Variants in ZNF827 observed in about 807,000 individuals in gnomAD.
ZNF827 encodes the protein zinc finger protein 827.
ZNF827 carries 13 observed loss-of-function variants against 102.4 expected under a neutral mutation model. The ratio of observed to expected loss-of-function variants is 0.13; its 90% confidence interval spans 0.08 to 0.20. The LOEUF is 0.20. Among genes scored for constraint, ZNF827 ranks in the 10% least tolerant of loss-of-function variants. The pLI, the probability that ZNF827 is intolerant of heterozygous loss-of-function variation, is 1.00. For missense variants in ZNF827, 1,103 were observed against 1,344.4 expected, an observed-to-expected ratio of 0.82 and a Z score of 2.81; for synonymous variants, 523 against 536.2, an observed-to-expected ratio of 0.98 and a Z score of 0.34.
intron 8 of ZNF827, among the ~76,000 whole-genome samples, chr4:145,783,386 T>G (rs1057231967): frequency 6.6e-6 from 1 of 152,274 alleles, no homozygotes; most frequent in Non-Finnish European, 1.5e-5. Context: ...TCAGGCTACC[T>G]GCCTTTTGAA....
chr4:145,870,423 C>T lies in ZNF827; in HGVS notation c.1803G>A (p.Lys601=). ...NLNFKVKEEP[K]EGESLSTTLP... is the part of the protein sequence containing the mutation. ...AAGTCGTGCTTAGGGACTCCCCTTC[C>T]TTAGGCTCCTCTTTCACTTTAAAAT... Residue 601 remains lysine, a synonymous_variant, in exon 5 of 15, where the codon AAG becomes AAA. Coordinates refer to ENST00000508784, the MANE Select transcript of ZNF827 (RefSeq NM_001306215.2). 6.2e-7 allele frequency: 1 copy of T among 1,614,160 alleles called. No individual in the cohort carries two copies. Among genetic ancestry groups the T allele is most frequent in the Non-Finnish European group, 8.5e-7 (1 of 1,180,010 alleles).
At chr4:145,872,945 C>CT (rs201105472) in intron 4 of ZNF827, among the ~76,000 whole-genome samples, 1,596 of 130,566 alleles carry the variant, frequency 0.012, 12 homozygotes, top group Middle Eastern at 0.034. Context: ...TTTTTCTTTT[C>CT]TTTTTTTTTT....
chr4:145,824,416 A>C (rs1743458738), intron 7 of ZNF827, among the ~76,000 whole-genome samples: 1 of 152,186 alleles, frequency 6.6e-6, no homozygotes, highest in Non-Finnish European at 1.5e-5. Flanking sequence ...CAACAGACGA[A>C]ATTCAACCAT....
At chr4:145,916,024 C>T (rs10027696) in intron 1 of ZNF827, among the ~76,000 whole-genome samples, 15,083 of 152,276 alleles carry the variant, frequency 0.099, 1,181 homozygotes, top group East Asian at 0.37. Flanking sequence ...ATCCCCTGTA[C>T]ACTGGGGTGG....
chr4:145,932,130 T>A (rs1753852818), intron 1 of ZNF827, among the ~76,000 whole-genome samples: 1 of 152,198 alleles, frequency 6.6e-6, no homozygotes, highest in Non-Finnish European at 1.5e-5. Context: ...AAACACTGAA[T>A]CTGCTGGCAC....
At chr4:145,788,416 GAATCCAGGCC>G (rs939887002) in intron 8 of ZNF827, among the ~76,000 whole-genome samples, 44 of 152,186 alleles carry the variant, frequency 2.9e-4, no homozygotes, top group African/African-American at 3.1e-4. Context: ...GTCACTGCCA[GAATCCAGGCC>G]AATTGATGGC....
At chr4:145,826,904 G>A (rs868497927) in intron 7 of ZNF827, among the ~76,000 whole-genome samples, 5 of 152,192 alleles carry the variant, frequency 3.3e-5, no homozygotes, top group African/African-American at 4.8e-5. Context: ...GTGCCACCAC[G>A]CCCGACTAAT....
At chr4:145,832,750 C>G (rs1233461343) in intron 7 of ZNF827, 1 of 152,430 alleles carries the variant, frequency 6.6e-6, no homozygotes, top group African/African-American at 2.4e-5. Context: ...CATTCCACCA[C>G]AAAAGAAGTG....
chr4:145,847,654 C>T (rs1021555863), intron 6 of ZNF827, among the ~76,000 whole-genome samples: 6 of 152,086 alleles, frequency 3.9e-5, no homozygotes, highest in African/African-American at 1.2e-4. Context: ...CTGGCCTTCC[C>T]AATGCAGTTC....
At chr4:145,815,996 C>T (rs1230218518) in intron 8 of ZNF827, among the ~76,000 whole-genome samples, 1 of 152,212 alleles carries the variant, frequency 6.6e-6, no homozygotes, top group East Asian at 1.9e-4. Flanking sequence ...GTGGCCACAG[C>T]CCTGGGGATA....
At chr4:145,805,742 GCTCC>G (rs1044407286) in intron 8 of ZNF827, among the ~76,000 whole-genome samples, 1 of 152,036 alleles carries the variant, frequency 6.6e-6, no homozygotes, top group Admixed American at 6.5e-5. Flanking sequence ...CTGGGGGCCG[GCTCC>G]CTCCCTCCCC....
Position 145,761,656 on chromosome 4 carries a change from C to T in ZNF827, c.*18-58G>A, listed in dbSNP as rs1485880101. The T allele has an allele frequency of 4.7e-6, 5 of 1,067,298 alleles. No individual in the cohort carries two copies. In the African/African-American group the frequency reaches 4.9e-5, roughly 10 times the overall value. 66.1% of individuals were successfully genotyped at this position (1,067,298 alleles called of 1,614,324 possible). On this transcript the variant is annotated intron_variant, in intron 14 of 14. Transcript: ENST00000508784. This position sits in a 1 kb window ranked among gnomAD's most constrained non-coding sequence, Gnocchi z 6.8. ...CCGGGAAGGTTCGGAGGCAGCCGCG[C>T]TTCTCGCCGCCTCACCAGCCTTCCC...
At chr4:145,855,614 A>G (rs1467872537) in intron 5 of ZNF827, among the ~76,000 whole-genome samples, 2 of 152,194 alleles carry the variant, frequency 1.3e-5, no homozygotes, top group Non-Finnish European at 2.9e-5. Context: ...CAAAACCACA[A>G]TGGAATGAAG....
chr4:145,809,610 C>T (rs1741817016), intron 8 of ZNF827, among the ~76,000 whole-genome samples: 1 of 152,148 alleles, frequency 6.6e-6, no homozygotes, highest in African/African-American at 2.4e-5. Context: ...GATGTGTCTT[C>T]CCCAGTTGCT....
At chr4:145,927,862 A>T (rs1753542795) in intron 1 of ZNF827, among the ~76,000 whole-genome samples, 1 of 152,248 alleles carries the variant, frequency 6.6e-6, no homozygotes, top group African/African-American at 2.4e-5. Context: ...AATAAAGCAT[A>T]ATACAAACAG....
chr4:145,784,856 T>C (rs2127014071), intron 8 of ZNF827, among the ~76,000 whole-genome samples: 1 of 152,350 alleles, frequency 6.6e-6, no homozygotes, highest in South Asian at 2.1e-4. Flanking sequence ...GTAACCTCTT[T>C]TTTTGTACAG....
At chr4:145,852,960 T>C (rs1265515025) in intron 5 of ZNF827, among the ~76,000 whole-genome samples, 1 of 152,170 alleles carries the variant, frequency 6.6e-6, no homozygotes, top group Non-Finnish European at 1.5e-5. Context: ...CAACCAAACA[T>C]GACTGCAGAT....
At chr4:145,833,378 G>T (rs552663829) in intron 7 of ZNF827, among the ~76,000 whole-genome samples, 9 of 152,228 alleles carry the variant, frequency 5.9e-5, no homozygotes, top group African/African-American at 2.2e-4. Flanking sequence ...TTTAATCATT[G>T]CAGGGCTGCC....
At chr4:145,882,489 T>G (rs1749753051) in intron 4 of ZNF827, among the ~76,000 whole-genome samples, 1 of 152,058 alleles carries the variant, frequency 6.6e-6, no homozygotes. Flanking sequence ...TTCACAATCA[T>G]GCACGTTAAG....
Sources: gnomAD v4.1 joint callset for allele counts (sites outside exome capture counted in the v4.1 genomes callset) on GRCh38, gnomAD v4.1.1 for gene constraint, Gnocchi (gnomAD v3.1) non-coding constraint, MANE v1.5 for transcripts, NCBI Gene and HGNC (gene_info 2026-07-23, HGNC 2026-07-21) for gene names.